The following SDK1 variants were observed in gnomAD, a reference collection of about 807,000 sequenced individuals.
SDK1 encodes the protein sidekick cell adhesion molecule 1.
A neutral mutation model predicts 245.5 loss-of-function variants in SDK1; 157 were observed. That is an observed-to-expected ratio of 0.64 (90% CI 0.56 to 0.73). The LOEUF (loss-of-function observed/expected upper bound fraction) is 0.73, where lower values mean the gene tolerates loss of function less well. SDK1 is among the 30% of genes least tolerant of loss of function. SDK1 has a pLI of 0.00. For synonymous variants in SDK1, 1,647 were observed against 1,278.5 expected, an observed-to-expected ratio of 1.29 and a Z score of -6.15; for missense variants, 3,583 against 3,002.3, an observed-to-expected ratio of 1.19 and a Z score of -4.52.
At chr7:3,767,970 C>T (rs544318778) in intron 4 of SDK1, among the ~76,000 whole-genome samples, 2 of 152,136 alleles carry the variant, frequency 1.3e-5, no homozygotes, top group South Asian at 4.1e-4. Context: ...CATTTTAATC[C>T]TCATAACTCT....
chr7:4,152,306 G>T (rs897889524), intron 30 of SDK1, among the ~76,000 whole-genome samples: 1 of 152,228 alleles, frequency 6.6e-6, no homozygotes, highest in Non-Finnish European at 1.5e-5. Flanking sequence ...ACTCCTAGTG[G>T]CAGATACCAT....
At chr7:3,774,887 T>G (rs1780507460) in intron 4 of SDK1, among the ~76,000 whole-genome samples, 1 of 152,218 alleles carries the variant, frequency 6.6e-6, no homozygotes, top group African/African-American at 2.4e-5. Context: ...TTGGGACTGT[T>G]AAATTATCAC....
At chr7:3,770,284 G>T (rs536232291) in intron 4 of SDK1, among the ~76,000 whole-genome samples, 1 of 152,006 alleles carries the variant, frequency 6.6e-6, no homozygotes, top group African/African-American at 2.4e-5. Context: ...ATGGCTATAC[G>T]TATTAATAAC....
rs190592928 is a variant in SDK1 at position 3,635,814 on chromosome 7, T to C, written c.459-3190T>C. ...CTCCACCTCCCGGGGTCAGGTGATC[T>C]TCCCACCTCAGCCCCTAAGTGGCTG... On this transcript the variant is annotated intron_variant, in intron 2 of 44. Transcript: ENST00000404826. Among the ~76,000 whole-genome samples the C allele has an allele frequency of 2.5e-3, 374 of 152,228 alleles. 3 individuals carry two copies. The highest frequency in any genetic ancestry group is 0.018 in the South Asian group (86 of 4,816).
intron 1 of SDK1, among the ~76,000 whole-genome samples, chr7:3,455,263 T>G (rs1462782581): frequency 6.6e-6 from 1 of 152,100 alleles, no homozygotes; most frequent in Admixed American, 6.6e-5. Flanking sequence ...TACGAGGGTT[T>G]TCACAAAGCA....
chr7:3,861,223 A>G (rs186700092), intron 5 of SDK1, among the ~76,000 whole-genome samples: 143 of 152,376 alleles, frequency 9.4e-4, no homozygotes, highest in African/African-American at 3.1e-3. Flanking sequence ...TTATGTAGCT[A>G]GGATGCAATA....
intron 8 of SDK1, 91 bp from the exon 9 acceptor site, chr7:3,962,566 A>T: frequency 8.9e-7 from 1 of 1,121,652 alleles, no homozygotes; most frequent in East Asian, 2.6e-5. Context: ...GCCTATTAAA[A>T]TATTGGCATT....
intron 44 of SDK1, among the ~76,000 whole-genome samples, chr7:4,249,951 A>G (rs1018083015): frequency 1.3e-5 from 2 of 152,202 alleles, no homozygotes; most frequent in Non-Finnish European, 2.9e-5. Flanking sequence ...AGAGTTGTGC[A>G]GCCATCACCA....
In SDK1 at chr7:3,427,073, C is replaced by G. The variant is rs544708144; in HGVS notation, c.298+125189C>G. 7.9e-5 allele frequency among the ~76,000 whole-genome samples: 12 copies of G among 152,312 alleles called. No homozygotes were observed. The East Asian group carries it at 1.9e-3, about 24-fold the overall frequency. ...ATGCAGGACTGTAACAGTGATGGTT[C>G]AAGCTGAACTACACACAACAATCTT... is the stretch of plus-strand genomic sequence containing the variant. On this transcript the variant is annotated intron_variant, in intron 1 of 44. Transcript: ENST00000404826.
intron 1 of SDK1, chr7:3,338,550 T>G: frequency 5.4e-6 from 2 of 368,002 alleles, no homozygotes; most frequent in Non-Finnish European, 1.0e-5. Context: ...TGAGAAGCAG[T>G]GGAGAGGAAC....
intron 17 of SDK1, among the ~76,000 whole-genome samples, chr7:4,032,476 T>C (rs73299001): frequency 0.067 from 10,225 of 152,192 alleles, 727 homozygotes; most frequent in African/African-American, 0.17. Flanking sequence ...CTCTTTAATA[T>C]TGAAATCGAC....
At chr7:3,919,046 C>T (rs1779492158) in intron 5 of SDK1, among the ~76,000 whole-genome samples, 1 of 152,298 alleles carries the variant, frequency 6.6e-6, no homozygotes, top group East Asian at 1.9e-4. Context: ...TGACTGTTAA[C>T]TAAATATGAA....
chr7:3,614,448 T>C (rs1781703964), intron 1 of SDK1, among the ~76,000 whole-genome samples: 1 of 152,220 alleles, frequency 6.6e-6, no homozygotes, highest in South Asian at 2.1e-4. Flanking sequence ...CCATTGGCTT[T>C]TCCCCAGGTC....
intron 4 of SDK1, among the ~76,000 whole-genome samples, chr7:3,772,438 A>G (rs1446490888): frequency 6.6e-6 from 1 of 152,190 alleles, no homozygotes; most frequent in Non-Finnish European, 1.5e-5. Flanking sequence ...CATACACGAT[A>G]CTTCCAAAAA....
At chr7:4,081,733 C>T (rs1391247686) in intron 22 of SDK1, among the ~76,000 whole-genome samples, 5 of 152,158 alleles carry the variant, frequency 3.3e-5, no homozygotes, top group African/African-American at 4.8e-5. Context: ...AGAGGTTTTA[C>T]ATTTTTAATG....
At position 4,198,313 on chromosome 7, in the gene SDK1, G is replaced by A. The variant is rs564979982; in HGVS notation, c.5099-7566G>A. Among the ~76,000 whole-genome samples the A allele has an allele frequency of 7.2e-5, 11 of 152,336 alleles. No individual in the cohort carries two copies. The South Asian group carries it at 2.1e-3, about 29-fold the overall frequency. On this transcript the variant is annotated intron_variant, in intron 35 of 44. Coordinates refer to ENST00000404826, the MANE Select transcript of SDK1 (RefSeq NM_152744.4). ...GCCAGTTCCCACTGCACCCCTGACAGCTGTAGGGTTAAAGGATGGGGACAA... is the reference window on the plus strand; with the variant it reads ...GCCAGTTCCCACTGCACCCCTGACAACTGTAGGGTTAAAGGATGGGGACAA...
At chr7:3,373,135 T>C (rs1014868830) in intron 1 of SDK1, among the ~76,000 whole-genome samples, 8 of 152,308 alleles carry the variant, frequency 5.3e-5, no homozygotes, top group South Asian at 2.1e-4. Flanking sequence ...GCTGAAAATA[T>C]TGTAAGTTGA....
chr7:3,311,325 A>C (rs1779544635), intron 1 of SDK1, among the ~76,000 whole-genome samples: 1 of 152,146 alleles, frequency 6.6e-6, no homozygotes, highest in African/African-American at 2.4e-5. Flanking sequence ...ATGAGAACAA[A>C]AGGCCATTGG....
intron 1 of SDK1, among the ~76,000 whole-genome samples, chr7:3,302,876 A>G (rs1346531644): frequency 6.6e-6 from 1 of 152,226 alleles, no homozygotes; most frequent in East Asian, 1.9e-4. Flanking sequence ...ATTGGCGAAG[A>G]TGAGAGCATT....
Sources: gnomAD v4.1 joint callset for allele counts (sites outside exome capture counted in the v4.1 genomes callset) on GRCh38, gnomAD v4.1.1 for gene constraint, MANE v1.5 for transcripts, NCBI Gene and HGNC (gene_info 2026-07-23, HGNC 2026-07-21) for gene names.